CACNA1C: variants seen among roughly 807,000 people sequenced by gnomAD.
CACNA1C encodes voltage-dependent L-type calcium channel subunit alpha-1C.
A neutral mutation model predicts 229.0 loss-of-function variants in CACNA1C; 30 were observed. The ratio of observed to expected loss-of-function variants is 0.13; its 90% CI spans 0.10 to 0.18. CACNA1C has a LOEUF of 0.18. CACNA1C is among the 10% of genes least tolerant of loss of function. The pLI is 1.00. For missense variants in CACNA1C, 1,658 were observed against 2,845.0 expected (o/e 0.58, Z 9.49); for synonymous variants, 1,114 against 1,132.5 (o/e 0.98, Z 0.33).
At chr12:1,999,042 T>C (rs2041579043) in intron 1 of CACNA1C, among the ~76,000 whole-genome samples, 2 of 152,386 alleles carry the variant, frequency 1.3e-5, no homozygotes, top group African/African-American at 4.8e-5. Context: ...TCATTCACTT[T>C]AGTTCAGTGG....
At chr12:2,083,667 T>C (rs1198095576) in intron 1 of CACNA1C, among the ~76,000 whole-genome samples, 1 of 152,176 alleles carries the variant, frequency 6.6e-6, no homozygotes, top group Non-Finnish European at 1.5e-5. Flanking sequence ...ACAATACAAA[T>C]GTAAGGCATT....
chr12:2,431,840 T>C (rs913146847), intron 3 of CACNA1C, among the ~76,000 whole-genome samples: 1 of 152,184 alleles, frequency 6.6e-6, no homozygotes, highest in South Asian at 2.1e-4. Flanking sequence ...GAGTCTTCAA[T>C]GTAGGGACCT....
At chr12:2,031,344 TG>T (rs2048185738) in intron 1 of CACNA1C, among the ~76,000 whole-genome samples, 1 of 152,192 alleles carries the variant, frequency 6.6e-6, no homozygotes, top group East Asian at 1.9e-4. Flanking sequence ...CCAAACCCTC[TG>T]GTGTCCAAGT....
chr12:2,103,677 C>T (rs1443268703), intron 1 of CACNA1C, among the ~76,000 whole-genome samples: 1 of 152,138 alleles, frequency 6.6e-6, no homozygotes, highest in African/African-American at 2.4e-5. Flanking sequence ...ATGGTATTGC[C>T]TAGGTTTTCT....
In CACNA1C at chr12:2,247,883, G is replaced by A. The variant is rs1251553483; in HGVS notation, c.477+127453G>A. The stretch of plus-strand genomic sequence containing the variant: ...AGGAACAAAGCAAGAAACAGTACAT[G>A]GAAAGGAGAAAAGGTGCTGTGGCCA... On this transcript the variant is annotated intron_variant, in intron 3 of 46. Coordinates refer to ENST00000399655, the MANE Select transcript of CACNA1C (RefSeq NM_000719.7). 2.6e-5 allele frequency among the ~76,000 whole-genome samples: 4 copies of A among 152,290 alleles called. No homozygotes were observed. The East Asian group carries it at 5.8e-4, about 22-fold the overall frequency.
chr12:2,137,203 G>A (rs547087946), intron 3 of CACNA1C, among the ~76,000 whole-genome samples: 1 of 151,534 alleles, frequency 6.6e-6, no homozygotes, highest in Admixed American at 6.6e-5. Flanking sequence ...TGGGTAGTAA[G>A]AGAGTGCTGA....
At chr12:2,032,604 G>A (rs1349308989) in intron 1 of CACNA1C, among the ~76,000 whole-genome samples, 1 of 152,192 alleles carries the variant, frequency 6.6e-6, no homozygotes, top group East Asian at 1.9e-4. Context: ...CTTGTTTGAT[G>A]TTCATTGGGG....
chr12:2,121,850 TAA>T (rs1222987461), intron 3 of CACNA1C, among the ~76,000 whole-genome samples: 1 of 152,232 alleles, frequency 6.6e-6, no homozygotes, highest in Non-Finnish European at 1.5e-5. Flanking sequence ...CTGCAACTTT[TAA>T]AGAGGAGCCT....
At chr12:2,622,139 G>A (rs2083575632) in intron 29 of CACNA1C, among the ~76,000 whole-genome samples, 1 of 152,220 alleles carries the variant, frequency 6.6e-6, no homozygotes, top group Non-Finnish European at 1.5e-5. Context: ...TAAGAGTAGG[G>A]ATGAGTTAAG....
intron 3 of CACNA1C, among the ~76,000 whole-genome samples, chr12:2,382,595 T>G (rs1292485359): frequency 2.0e-5 from 3 of 152,174 alleles, no homozygotes; most frequent in Non-Finnish European, 4.4e-5. Flanking sequence ...GGGGGAGCTC[T>G]GAGCTTATGT....
intron 28 of CACNA1C, 141 bp downstream of exon 28, chr12:2,610,840 T>C (rs1350945656): frequency 7.2e-6 from 6 of 835,490 alleles, no homozygotes; most frequent in Non-Finnish European, 1.2e-5. Context: ...ACGAGTGTTC[T>C]CTGTCAAGGA....
At chr12:2,405,294 C>T (rs140132391) in intron 3 of CACNA1C, among the ~76,000 whole-genome samples, 234 of 152,264 alleles carry the variant, frequency 1.5e-3, no homozygotes, top group African/African-American at 5.3e-3. Flanking sequence ...TTTGGAACAA[C>T]GTGCATGTAT....
chr12:2,679,628 C>T lies in CACNA1C; in HGVS notation c.5276C>T (p.Ser1759Leu), dbSNP rs756883184. The change falls in exon 42 of 47, where the codon TCG (serine) becomes TTG (leucine). Residue 1759 changes from serine (S) to leucine (L), a missense_variant. Physicochemically the swap from Ser to Leu is moderately radical, Grantham distance 145. Transcript: ENST00000399655. The surrounding 1 kb of genome is among the most constrained non-coding windows in gnomAD (Gnocchi z 5.5). ...TCCACCTTCACCCCGAGCAGCTACTCGTCCACCGGCTCCAACGCCAACATC... is the reference window on the plus strand; with the variant it reads ...TCCACCTTCACCCCGAGCAGCTACTTGTCCACCGGCTCCAACGCCAACATC... ...VDSTFTPSSY[S>L]STGSNANINN... 4 of 1,613,918 alleles carry T rather than the reference C, an allele frequency of 2.5e-6. No individual in the cohort carries two copies. The highest frequency in any genetic ancestry group is 3.3e-5 in the Admixed American group (2 of 60,020).
chr12:2,201,692 G>A (rs2097582343), intron 3 of CACNA1C, among the ~76,000 whole-genome samples: 1 of 152,234 alleles, frequency 6.6e-6, no homozygotes, highest in African/African-American at 2.4e-5. Context: ...CTAACAACAA[G>A]TTACTGTGTC....
chr12:2,564,089 T>A (rs770063350), intron 11 of CACNA1C, among the ~76,000 whole-genome samples: 6 of 152,202 alleles, frequency 3.9e-5, no homozygotes, highest in South Asian at 2.1e-4. Context: ...TTCAGCTTCC[T>A]TGCGCTGAAG....
chr12:2,366,661 A>G (rs2097727187), intron 3 of CACNA1C, among the ~76,000 whole-genome samples: 2 of 152,240 alleles, frequency 1.3e-5, no homozygotes, highest in African/African-American at 2.4e-5. Flanking sequence ...ACTCTATGAC[A>G]GCAGTCCCCA....
At position 2,511,571 on chromosome 12, in the gene CACNA1C, TACAC is replaced by T. The variant is rs35169529; in HGVS notation, c.1218-1223_1218-1220del. On this transcript the variant is annotated intron_variant, in intron 8 of 46. Coordinates refer to ENST00000399655, the MANE Select transcript of CACNA1C (RefSeq NM_000719.7). Reference sequence around the variant, plus strand: ...AATTAACCAAGATGTCCTATGCATGTACACACACACACACACACACAAATACACA... The same window carrying T: ...AATTAACCAAGATGTCCTATGCATGTACACACACACACACACAAATACACA... Among the ~76,000 whole-genome samples, 1,227 of 149,978 alleles carry T rather than the reference TACAC, an allele frequency of 8.2e-3. 12 individuals carry two copies. Among genetic ancestry groups the T allele is most frequent in the East Asian group, 0.042 (216 of 5,098 alleles).
At chr12:2,593,008 C>T (rs537645052) in intron 18 of CACNA1C, among the ~76,000 whole-genome samples, 2 of 152,270 alleles carry the variant, frequency 1.3e-5, no homozygotes, top group Non-Finnish European at 2.9e-5. Context: ...TACTTACAAT[C>T]CCCCTTATTG....
At chr12:2,363,349 A>G (rs992630810) in intron 3 of CACNA1C, among the ~76,000 whole-genome samples, 1 of 152,106 alleles carries the variant, frequency 6.6e-6, no homozygotes, top group African/African-American at 2.4e-5. Context: ...TCCCCTCTCC[A>G]TATCATTTCT....
Sources: allele counts gnomAD v4.1 joint callset (sites outside exome capture counted in the v4.1 genomes callset), GRCh38; gene constraint gnomAD v4.1.1; non-coding constraint Gnocchi (gnomAD v3.1); transcripts MANE v1.5; gene names NCBI Gene and HGNC (gene_info 2026-07-23, HGNC 2026-07-21).